The following VPS41 variants were observed in gnomAD, a reference collection of about 807,000 sequenced individuals.
The protein encoded by VPS41 is vacuolar protein sorting-associated protein 41 homolog.
A neutral mutation model predicts 130.9 loss-of-function variants in VPS41; 85 were observed. That is an observed-to-expected ratio of 0.65 (90% CI 0.55 to 0.78). VPS41 has a LOEUF of 0.78. Among genes scored for constraint, VPS41 ranks in the 30% least tolerant of loss-of-function variants. The pLI, the probability that VPS41 is intolerant of heterozygous loss-of-function variation, is 0.00. For missense variants in VPS41, 874 were observed against 1,018.7 expected (o/e 0.86, Z 1.93); for synonymous variants, 335 against 332.9 (o/e 1.01, Z -0.07).
chr7:38,893,827 T>C (rs7803488), intron 2 of VPS41, among the ~76,000 whole-genome samples: 135,005 of 152,258 alleles, frequency 0.89, 59,934 homozygotes, highest in East Asian at 1. Flanking sequence ...ACATTAATAA[T>C]ACTAACTAAA....
chr7:38,872,408 G>T (rs1786387620), intron 2 of VPS41, among the ~76,000 whole-genome samples: 1 of 152,172 alleles, frequency 6.6e-6, no homozygotes, highest in Non-Finnish European at 1.5e-5. Context: ...GGAGGTGCAG[G>T]CACAGAGCAT....
rs557803156 is a variant in VPS41, at chr7:38,753,444, C to T, written c.1789-1131G>A. 2.4e-4 allele frequency among the ~76,000 whole-genome samples: 37 copies of T among 152,098 alleles called. 2 individuals are homozygous for T. The East Asian group carries it at 6.6e-3, about 27-fold the overall frequency. On this transcript the variant is annotated intron_variant, in intron 21 of 28. Coordinates refer to ENST00000310301, the MANE Select transcript of VPS41 (RefSeq NM_014396.4). ...CAGGCAGAGGTCTGATGAACACCAC[C>T]GCCAGTCCACTGGCACTGGGGTCAG...
chr7:38,884,881 T>A (rs1786688949), intron 2 of VPS41, among the ~76,000 whole-genome samples: 1 of 152,312 alleles, frequency 6.6e-6, no homozygotes, highest in African/African-American at 2.4e-5. Flanking sequence ...TTAACACTCC[T>A]CTTTAGCCTG....
intron 16 of VPS41, 25 bp from the exon 17 acceptor site, chr7:38,763,572 A>T (rs761821135): frequency 1.3e-6 from 2 of 1,512,046 alleles, no homozygotes; most frequent in Non-Finnish European, 9.0e-7. Flanking sequence ...GGGAAAAAAA[A>T]GTCCATTAAA....
chr7:38,890,273 G>A (rs749935952), intron 2 of VPS41, among the ~76,000 whole-genome samples: 2 of 152,130 alleles, frequency 1.3e-5, no homozygotes, highest in Non-Finnish European at 2.9e-5. Flanking sequence ...ACCAAAAAAA[G>A]CCCATTTCCA....
intron 3 of VPS41, among the ~76,000 whole-genome samples, chr7:38,863,069 C>T (rs1053865896): frequency 7.2e-5 from 11 of 152,254 alleles, no homozygotes; most frequent in South Asian, 2.1e-4. Context: ...ATTATTTTTT[C>T]GAATGGAAAA....
chr7:38,843,979 T>G (rs1418690748), intron 4 of VPS41, among the ~76,000 whole-genome samples: 3 of 152,250 alleles, frequency 2.0e-5, no homozygotes, highest in Non-Finnish European at 4.4e-5. Context: ...CTACTATATA[T>G]TTATACTTTT....
Position 38,776,124 on chromosome 7 carries a change from A to G in VPS41, c.882+555T>C, listed in dbSNP as rs1017306458. Reference sequence around the variant, plus strand: ...TCCAAAGACACGCACAACAAAATTTAGATCATCTGCTGCTTTTTATTAGCC... The same window carrying G: ...TCCAAAGACACGCACAACAAAATTTGGATCATCTGCTGCTTTTTATTAGCC... On this transcript the variant is annotated intron_variant, in intron 11 of 28. Transcript: ENST00000310301. Among the ~76,000 whole-genome samples the G allele has an allele frequency of 6.6e-5, 10 of 152,178 alleles. No homozygotes were observed. In the East Asian group the frequency reaches 1.7e-3, roughly 26 times the overall value.
chr7:38,802,318 C>A (rs1784744787), intron 7 of VPS41, among the ~76,000 whole-genome samples: 2 of 152,174 alleles, frequency 1.3e-5, no homozygotes, highest in Non-Finnish European at 2.9e-5. Flanking sequence ...CTGCTTCTCT[C>A]CTTGATGTTA....
rs1384062974 is a variant in VPS41 at position 38,810,477 on chromosome 7, AAATATT to A, written c.450+7334_450+7339del. On this transcript the variant is annotated intron_variant, in intron 7 of 28. Coordinates refer to ENST00000310301, the MANE Select transcript of VPS41 (RefSeq NM_014396.4). ...ATTGTAATAAGATTAAAGAACTATTAAATATTAATAGACATCTCTCTCAAATTTTCT... is the reference window on the plus strand; with the variant it reads ...ATTGTAATAAGATTAAAGAACTATTAAATAGACATCTCTCTCAAATTTTCT... Among the ~76,000 whole-genome samples, 5 of 152,130 alleles carry A rather than the reference AAATATT, an allele frequency of 3.3e-5. No homozygotes were observed. In the South Asian group the frequency reaches 1.0e-3, roughly 32 times the overall value.
chr7:38,788,289 GA>G (rs1171966864), intron 10 of VPS41, among the ~76,000 whole-genome samples: 4 of 152,194 alleles, frequency 2.6e-5, no homozygotes, highest in African/African-American at 9.7e-5. Context: ...TGGTTCTGTA[GA>G]GTTAGATTCT....
chr7:38,855,906 T>C (rs1163477951), intron 4 of VPS41, among the ~76,000 whole-genome samples: 1 of 152,176 alleles, frequency 6.6e-6, no homozygotes, highest in African/African-American at 2.4e-5. Context: ...TGAACTGCCA[T>C]AACAAAATAT....
chr7:38,742,218 G>T, intron 24 of VPS41, 97 bp from the exon 25 acceptor site: 1 of 1,180,446 alleles, frequency 8.5e-7, no homozygotes, highest in Non-Finnish European at 1.2e-6. Context: ...TAGATCAAAA[G>T]TAACTCAAAG....
chr7:38,781,286 C>T (rs1584393171), intron 10 of VPS41, among the ~76,000 whole-genome samples: 1 of 152,118 alleles, frequency 6.6e-6, no homozygotes, highest in East Asian at 1.9e-4. Context: ...CTGTATGTAG[C>T]ACAAATCAAT....
rs192121400 is a variant in VPS41, at chr7:38,814,492, T to C, written c.450+3325A>G. Among the ~76,000 whole-genome samples the C allele has an allele frequency of 5.6e-4, 85 of 152,034 alleles. 1 individual carries two copies. The highest frequency in any genetic ancestry group is 1.8e-3 in the African/African-American group (76 of 41,468). ...AGTGAAACCCCGTCTCTACTAAAAA[T>C]ACAAAATATTAGCCAGGCATGGTGG... On this transcript the variant is annotated intron_variant, in intron 7 of 28. Transcript: ENST00000310301.
At chr7:38,755,233 T>A (rs950726326) in intron 19 of VPS41, among the ~76,000 whole-genome samples, 15 of 152,212 alleles carry the variant, frequency 9.9e-5, no homozygotes, top group African/African-American at 3.1e-4. Flanking sequence ...CGCCCTCCGA[T>A]GTCTCGGATA....
intron 2 of VPS41, among the ~76,000 whole-genome samples, chr7:38,885,393 G>A (rs893062445): frequency 6.6e-6 from 1 of 152,108 alleles, no homozygotes. Context: ...TATCACCAAT[G>A]TATTCCATAG....
intron 2 of VPS41, among the ~76,000 whole-genome samples, chr7:38,878,374 C>T (rs1786534255): frequency 6.6e-6 from 1 of 152,090 alleles, no homozygotes; most frequent in African/African-American, 2.4e-5. Flanking sequence ...CTATTAAAAA[C>T]CTTCAAAGAA....
At chr7:38,870,296 T>C (rs1786321418) in intron 2 of VPS41, among the ~76,000 whole-genome samples, 1 of 152,102 alleles carries the variant, frequency 6.6e-6, no homozygotes, top group Admixed American at 6.5e-5. Context: ...AGGATGAAGC[T>C]AAAAAGCTGA....
Sources: allele counts gnomAD v4.1 joint callset (sites outside exome capture counted in the v4.1 genomes callset), GRCh38; gene constraint gnomAD v4.1.1; transcripts MANE v1.5; gene names NCBI Gene and HGNC (gene_info 2026-07-23, HGNC 2026-07-21).